The following ZDHHC14 variants were observed in gnomAD, a reference collection of about 807,000 sequenced individuals.
ZDHHC14 encodes the protein zDHHC palmitoyltransferase 14.
A neutral mutation model predicts 47.7 loss-of-function variants in ZDHHC14; 16 were observed. The observed-to-expected ratio is 0.34, with a 90% confidence interval of 0.23 to 0.51. The LOEUF is 0.51. Among genes scored for constraint, ZDHHC14 ranks in the 20% least tolerant of loss-of-function variants. The pLI is 0.97. For missense variants in ZDHHC14, 515 were observed against 662.5 expected, an observed-to-expected ratio of 0.78 and a Z score of 2.44; for synonymous variants, 293 against 278.9, an observed-to-expected ratio of 1.05 and a Z score of -0.50.
chr6:157,452,071 C>T (rs554979729), intron 1 of ZDHHC14, among the ~76,000 whole-genome samples: 1 of 152,276 alleles, frequency 6.6e-6, no homozygotes, highest in South Asian at 2.1e-4. Context: ...CCATTTAGCA[C>T]AGTATTGATA....
At chr6:157,585,971 G>A (rs1783683741) in intron 2 of ZDHHC14, among the ~76,000 whole-genome samples, 1 of 152,236 alleles carries the variant, frequency 6.6e-6, no homozygotes, top group Non-Finnish European at 1.5e-5. Context: ...AGGTGCGGGA[G>A]CATGGCAGTC....
chr6:157,468,751 A>C (rs553775411), intron 1 of ZDHHC14, among the ~76,000 whole-genome samples: 2 of 152,382 alleles, frequency 1.3e-5, no homozygotes, highest in South Asian at 4.1e-4. Flanking sequence ...TAACAACAGC[A>C]GTAGGAGTAA....
chr6:157,673,529 T>TA lies in ZDHHC14; in HGVS notation c.*421dup, dbSNP rs376797747. Reference sequence around the variant, plus strand: ...CAGACCTGCCATTCCATTTGTTAATTAAAAAAAAAAAAAATCCTAAAGGGA... The same window carrying TA: ...CAGACCTGCCATTCCATTTGTTAATTAAAAAAAAAAAAAAATCCTAAAGGGA... On this transcript the variant is annotated 3_prime_UTR_variant, in exon 9 of 9. Coordinates refer to ENST00000359775, the MANE Select transcript of ZDHHC14 (RefSeq NM_024630.3). The surrounding 1 kb of genome is among the most constrained non-coding windows in gnomAD (Gnocchi z 5.4). 2,329 of 154,022 alleles carry TA rather than the reference T, an allele frequency of 0.015. 60 individuals are homozygous for TA. Among genetic ancestry groups the TA allele is most frequent in the African/African-American group, 0.052 (2,071 of 39,760 alleles). 9.5% of individuals were successfully genotyped at this position (154,022 alleles called of 1,614,324 possible).
intron 1 of ZDHHC14, among the ~76,000 whole-genome samples, chr6:157,457,213 T>C (rs1311653229): frequency 6.6e-6 from 1 of 151,350 alleles, no homozygotes; most frequent in African/African-American, 2.4e-5. Flanking sequence ...GGATGGGCAC[T>C]TTTTTGGCGC....
chr6:157,534,418 T>G (rs145674529), intron 1 of ZDHHC14, among the ~76,000 whole-genome samples: 43 of 152,308 alleles, frequency 2.8e-4, no homozygotes, highest in African/African-American at 1.0e-3. Flanking sequence ...GGGCATGTGG[T>G]TGCCATGCCT....
chr6:157,473,066 T>C (rs779849467), intron 1 of ZDHHC14, among the ~76,000 whole-genome samples: 7 of 152,228 alleles, frequency 4.6e-5, no homozygotes, highest in Non-Finnish European at 7.3e-5. Flanking sequence ...TGTATATGTA[T>C]GGTATACAAC....
In ZDHHC14 at chr6:157,412,184, TCTC is replaced by T. The variant is rs1485316236; in HGVS notation, c.245+29922_245+29924del. Among the ~76,000 whole-genome samples the T allele has an allele frequency of 2.0e-5, 3 of 151,806 alleles. No individual in the cohort carries two copies. The East Asian group carries it at 5.8e-4, about 29-fold the overall frequency. On this transcript the variant is annotated intron_variant, in intron 1 of 8. Coordinates refer to ENST00000359775, the MANE Select transcript of ZDHHC14 (RefSeq NM_024630.3). ...GAACTCCTGACCTCAAGTGATCTGC[TCTC>T]CTCAGCCTCCCAAAGTGCTGGGATT...
chr6:157,448,755 T>C (rs749671740), intron 1 of ZDHHC14, among the ~76,000 whole-genome samples: 34 of 152,172 alleles, frequency 2.2e-4, no homozygotes, highest in Non-Finnish European at 3.2e-4. Context: ...TTTTGTATTT[T>C]CAGTAGAGAC....
intron 2 of ZDHHC14, among the ~76,000 whole-genome samples, chr6:157,556,101 G>A (rs1782448632): frequency 6.6e-6 from 1 of 152,090 alleles, no homozygotes; most frequent in Admixed American, 6.5e-5. Context: ...GACTGAACAG[G>A]AAAATATGGG....
chr6:157,516,965 A>T (rs1263030880), intron 1 of ZDHHC14, among the ~76,000 whole-genome samples: 2 of 152,144 alleles, frequency 1.3e-5, no homozygotes, highest in Non-Finnish European at 2.9e-5. Context: ...CATTTCAGAA[A>T]GCTCTAGCAA....
chr6:157,388,344 G>A (rs760333867), intron 1 of ZDHHC14, among the ~76,000 whole-genome samples: 18 of 152,168 alleles, frequency 1.2e-4, no homozygotes, highest in Admixed American at 5.2e-4. Context: ...TAATAAGATA[G>A]TGATGGTTAA....
At chr6:157,542,188 T>G (rs1781791053) in intron 1 of ZDHHC14, among the ~76,000 whole-genome samples, 1 of 152,224 alleles carries the variant, frequency 6.6e-6, no homozygotes, top group African/African-American at 2.4e-5. Context: ...ATTGGTGTCT[T>G]CTTCTGTTAT....
intron 2 of ZDHHC14, among the ~76,000 whole-genome samples, chr6:157,558,822 A>G (rs1041487367): frequency 1.3e-5 from 2 of 151,948 alleles, no homozygotes; most frequent in African/African-American, 4.8e-5. Context: ...ACAAAGTTCA[A>G]GTAATGTAGA....
At chr6:157,429,657 T>C (rs1398346919) in intron 1 of ZDHHC14, among the ~76,000 whole-genome samples, 1 of 149,678 alleles carries the variant, frequency 6.7e-6, no homozygotes, top group Non-Finnish European at 1.5e-5. Flanking sequence ...AGGAAAGAAA[T>C]AAAGAAGGAA....
intron 1 of ZDHHC14, among the ~76,000 whole-genome samples, chr6:157,409,752 T>C (rs1225896164): frequency 6.6e-6 from 1 of 152,176 alleles, no homozygotes; most frequent in Non-Finnish European, 1.5e-5. Flanking sequence ...TTCCGAGTGG[T>C]TTCCCATCTC....
intron 8 of ZDHHC14, among the ~76,000 whole-genome samples, chr6:157,656,323 G>GT (rs1275837724): frequency 6.7e-6 from 1 of 148,684 alleles, no homozygotes; most frequent in Non-Finnish European, 1.5e-5. Context: ...ACTCAATTCA[G>GT]TGTAAGGCTA....
intron 3 of ZDHHC14, among the ~76,000 whole-genome samples, chr6:157,611,139 A>G (rs1583017232): frequency 2.0e-5 from 3 of 152,136 alleles, no homozygotes; most frequent in Admixed American, 6.6e-5. Flanking sequence ...AGCTGGGGCT[A>G]TAGGCACGCG....
At chr6:157,412,073 G>C (rs1777881368) in intron 1 of ZDHHC14, among the ~76,000 whole-genome samples, 1 of 151,376 alleles carries the variant, frequency 6.6e-6, no homozygotes, top group South Asian at 2.1e-4. Context: ...CAAGTAGCTG[G>C]GATTACAGGC....
intron 1 of ZDHHC14, among the ~76,000 whole-genome samples, chr6:157,398,864 G>C (rs1476010155): frequency 6.6e-6 from 1 of 152,186 alleles, no homozygotes. Context: ...AAGAGGAAAA[G>C]CTCTATGTGT....
Sources: gnomAD v4.1 joint callset for allele counts (sites outside exome capture counted in the v4.1 genomes callset) on GRCh38, gnomAD v4.1.1 for gene constraint, Gnocchi (gnomAD v3.1) non-coding constraint, MANE v1.5 for transcripts, NCBI Gene and HGNC (gene_info 2026-07-23, HGNC 2026-07-21) for gene names.